The following PTPRE variants were observed in gnomAD, a reference collection of about 807,000 sequenced individuals.
The protein encoded by PTPRE is protein tyrosine phosphatase receptor type E, also known as receptor-type tyrosine-protein phosphatase epsilon.
PTPRE carries 51 observed loss-of-function variants against 102.0 expected under a neutral mutation model. The ratio of observed to expected loss-of-function variants is 0.50; its 90% confidence interval spans 0.40 to 0.63. The LOEUF (loss-of-function observed/expected upper bound fraction) is 0.63, where lower values mean the gene tolerates loss of function less well. Among genes scored for constraint, PTPRE ranks in the 30% least tolerant of loss-of-function variants. PTPRE has a pLI of 0.00. For missense variants in PTPRE, 752 were observed against 915.1 expected, an observed-to-expected ratio of 0.82 and a Z score of 2.30; for synonymous variants, 345 against 348.2, an observed-to-expected ratio of 0.99 and a Z score of 0.10.
intron 2 of PTPRE, among the ~76,000 whole-genome samples, chr10:128,022,794 T>C (rs1417788363): frequency 1.3e-5 from 2 of 152,126 alleles, no homozygotes; most frequent in African/African-American, 4.8e-5. Flanking sequence ...TGGAGGCAGG[T>C]GTGATGCCAG....
At chr10:128,076,826 C>G in intron 18 of PTPRE, 98 bp downstream of exon 18, 2 of 1,513,700 alleles carry the variant, frequency 1.3e-6, no homozygotes, top group Non-Finnish European at 1.8e-6. Context: ...GGCCCTGCAC[C>G]TGTCCTGCTC....
At chr10:127,926,427 G>C in intron 1 of PTPRE, among the ~76,000 whole-genome samples, 1 of 152,184 alleles carries the variant, frequency 6.6e-6, no homozygotes. Flanking sequence ...GTTGTTCTGC[G>C]GCAAAGCACA....
chr10:127,990,542 A>G (rs1564855709), intron 2 of PTPRE, among the ~76,000 whole-genome samples: 1 of 152,118 alleles, frequency 6.6e-6, no homozygotes, highest in South Asian at 2.1e-4. Flanking sequence ...GTTTAAAGAC[A>G]TCTTCAAGAC....
chr10:127,953,935 G>T (rs754065324), intron 1 of PTPRE, among the ~76,000 whole-genome samples: 8 of 152,224 alleles, frequency 5.3e-5, no homozygotes, highest in Non-Finnish European at 8.8e-5. Context: ...TGGCCAGAAG[G>T]TCAGGGACTT....
intron 2 of PTPRE, among the ~76,000 whole-genome samples, chr10:127,989,512 G>A (rs534573866): frequency 1.1e-4 from 17 of 152,256 alleles, no homozygotes; most frequent in Non-Finnish European, 2.2e-4. Context: ...AGAGACCCAG[G>A]CAGGCTGGAT....
chr10:127,951,738 A>G (rs1344694010), intron 1 of PTPRE, among the ~76,000 whole-genome samples: 6 of 152,260 alleles, frequency 3.9e-5, no homozygotes, highest in Non-Finnish European at 7.3e-5. Context: ...CTACAAAAAT[A>G]GTAAATCAAA....
At chr10:127,926,168 C>T (rs1225214920) in intron 1 of PTPRE, among the ~76,000 whole-genome samples, 3 of 152,282 alleles carry the variant, frequency 2.0e-5, no homozygotes, top group East Asian at 3.9e-4. Flanking sequence ...CCCTTTTGCT[C>T]ACGGTGAGGA....
intron 2 of PTPRE, among the ~76,000 whole-genome samples, chr10:128,019,715 C>T (rs1355855451): frequency 6.6e-6 from 1 of 152,188 alleles, no homozygotes; most frequent in African/African-American, 2.4e-5. Context: ...AGGTTCTCCC[C>T]AGGCCTCTGT....
chr10:127,909,560 C>G (rs955830350), intron 1 of PTPRE, among the ~76,000 whole-genome samples: 4 of 152,204 alleles, frequency 2.6e-5, no homozygotes, highest in Non-Finnish European at 5.9e-5. Context: ...TGACTCAATG[C>G]GTCAAAATCA....
chr10:127,965,542 G>A (rs563359032), intron 1 of PTPRE, among the ~76,000 whole-genome samples: 7 of 152,294 alleles, frequency 4.6e-5, no homozygotes, highest in African/African-American at 9.6e-5. Flanking sequence ...GGAAGAAGTC[G>A]TGATTTACCT....
Position 128,021,422 on chromosome 10 carries a change from T to C in PTPRE, c.-7-19453T>C, listed in dbSNP as rs563020441. 1.8e-3 allele frequency among the ~76,000 whole-genome samples: 275 copies of C among 152,292 alleles called. 1 individual carries two copies. Among genetic ancestry groups the C allele is most frequent in the African/African-American group, 6.3e-3 (261 of 41,572 alleles). On this transcript the variant is annotated intron_variant, in intron 2 of 20. Transcript: ENST00000254667. ...CCTCCCCGTGTTCAGGGATATTCGC[T>C]GAAATGAGCCAGGTGGGATTTAATG... is the stretch of plus-strand genomic sequence containing the variant.
chr10:128,033,023 A>G (rs950915408), intron 2 of PTPRE, among the ~76,000 whole-genome samples: 5 of 152,216 alleles, frequency 3.3e-5, no homozygotes, highest in Non-Finnish European at 7.3e-5. Context: ...CAAAATACTT[A>G]TAAACATTTA....
chr10:128,055,638 T>C (rs1489931488), intron 6 of PTPRE, among the ~76,000 whole-genome samples: 1 of 152,108 alleles, frequency 6.6e-6, no homozygotes, highest in Non-Finnish European at 1.5e-5. Context: ...TAAGGCTGTT[T>C]CCCGCCCCTT....
intron 1 of PTPRE, among the ~76,000 whole-genome samples, chr10:127,930,084 A>G (rs1486311174): frequency 1.3e-5 from 2 of 151,894 alleles, no homozygotes; most frequent in Non-Finnish European, 2.9e-5. Context: ...AAAAAAAGAA[A>G]GAAAGAAAAC....
chr10:127,969,312 G>A (rs568906364), intron 1 of PTPRE, among the ~76,000 whole-genome samples: 14 of 152,274 alleles, frequency 9.2e-5, no homozygotes, highest in Non-Finnish European at 1.8e-4. Flanking sequence ...TGCTGGGCTC[G>A]GGACGTGGAG....
intron 2 of PTPRE, among the ~76,000 whole-genome samples, chr10:127,990,964 A>C (rs990183602): frequency 5.9e-5 from 9 of 152,238 alleles, no homozygotes; most frequent in Admixed American, 5.9e-4. Flanking sequence ...TAATAAAACA[A>C]AGGTATTTTT....
chr10:127,959,303 T>G (rs1849631332), intron 1 of PTPRE, among the ~76,000 whole-genome samples: 1 of 152,224 alleles, frequency 6.6e-6, no homozygotes, highest in South Asian at 2.1e-4. Flanking sequence ...GCTTACCCAG[T>G]TCATGCATTC....
intron 1 of PTPRE, among the ~76,000 whole-genome samples, chr10:127,975,923 C>A (rs1851130648): frequency 6.6e-6 from 1 of 152,022 alleles, no homozygotes; most frequent in African/African-American, 2.4e-5. Flanking sequence ...GCCTCAGTTC[C>A]CCCTCTGCAA....
chr10:127,945,106 C>T (rs1163363416), intron 1 of PTPRE, among the ~76,000 whole-genome samples: 2 of 152,178 alleles, frequency 1.3e-5, no homozygotes, highest in Non-Finnish European at 2.9e-5. Context: ...CAGGAAAGAC[C>T]CTCCAGCTTC....
Sources: allele counts gnomAD v4.1 joint callset (sites outside exome capture counted in the v4.1 genomes callset), GRCh38; gene constraint gnomAD v4.1.1; transcripts MANE v1.5; gene names NCBI Gene and HGNC (gene_info 2026-07-23, HGNC 2026-07-21).